The following KLRG1 variants were observed in gnomAD, a reference collection of about 807,000 sequenced individuals.
KLRG1 encodes killer cell lectin like receptor G1, also known as killer cell lectin-like receptor subfamily G member 1.
Under a neutral mutation model 21.8 loss-of-function variants are expected in KLRG1, and 16 were observed. The ratio of observed to expected loss-of-function variants is 0.73; its 90% CI spans 0.50 to 1.11. The LOEUF (loss-of-function observed/expected upper bound fraction) is 1.11. Among genes scored for constraint, KLRG1 ranks in the 50% most tolerant of loss-of-function variants. KLRG1 has a pLI of 0.00. For synonymous variants in KLRG1, 69 were observed against 75.9 expected (o/e 0.91, Z 0.47); for missense variants, 173 against 218.3 (o/e 0.79, Z 1.31).
At chr12:9,091,278 T>C in the KLRG1 span, 1 of 1,614,136 alleles carries the variant, frequency 6.2e-7, no homozygotes, top group Non-Finnish European at 8.5e-7. Flanking sequence ...GAGTAAGGCA[T>C]TGTGAGCTCC....
chr12:9,079,411 C>A, the KLRG1 span: 9 of 1,398,906 alleles, frequency 6.4e-6, no homozygotes, highest in African/African-American at 1.1e-4. Context: ...AGTACCTTGG[C>A]TTCTCTTGTG....
chr12:8,982,701 A>G (rs1946775031), intron 1 of KLRG1, among the ~76,000 whole-genome samples: 1 of 145,670 alleles, frequency 6.9e-6, no homozygotes, highest in Non-Finnish European at 1.5e-5. Context: ...GCTGGAGTGC[A>G]ATGGTGCGAT....
the KLRG1 span, among the ~76,000 whole-genome samples, chr12:9,107,163 C>G: frequency 3.3e-5 from 5 of 152,180 alleles, no homozygotes; most frequent in Non-Finnish European, 5.9e-5. Flanking sequence ...TTTGTCAACT[C>G]TCTGGCATCT....
the KLRG1 span, among the ~76,000 whole-genome samples, chr12:9,086,393 G>A: frequency 6.6e-6 from 1 of 152,024 alleles, no homozygotes; most frequent in East Asian, 1.9e-4. Flanking sequence ...CCAACCACAC[G>A]AAATAAACTA....
At chr12:8,969,591 G>A (rs1351542839) in intron 1 of KLRG1, among the ~76,000 whole-genome samples, 1 of 152,030 alleles carries the variant, frequency 6.6e-6, no homozygotes, top group East Asian at 1.9e-4. Flanking sequence ...ATGAGAGGAA[G>A]AGGAGGAAAT....
the KLRG1 span, among the ~76,000 whole-genome samples, chr12:9,029,767 T>C: frequency 6.6e-6 from 1 of 152,156 alleles, no homozygotes; most frequent in South Asian, 2.1e-4. Context: ...ATTAATTAAT[T>C]TATTTATTTG....
upstream of KLRG1, among the ~76,000 whole-genome samples, chr12:8,986,907 C>T (rs1241324478): frequency 6.6e-6 from 1 of 152,164 alleles, no homozygotes; most frequent in Non-Finnish European, 1.5e-5. Context: ...TAACACCTCC[C>T]CGCGTCTCTC....
At chr12:9,169,535 C>G in the KLRG1 span, 1 of 1,613,184 alleles carries the variant, frequency 6.2e-7, no homozygotes, top group Non-Finnish European at 8.5e-7. Context: ...CTTCCTCCTG[C>G]TGGTCCACAT....
the KLRG1 span, among the ~76,000 whole-genome samples, chr12:9,143,635 G>C: frequency 6.6e-6 from 1 of 152,080 alleles, no homozygotes; most frequent in Non-Finnish European, 1.5e-5. Context: ...GCCATTTGCT[G>C]TTCCTGGTTA....
At chr12:9,050,171 C>T in the KLRG1 span, among the ~76,000 whole-genome samples, 1 of 152,186 alleles carries the variant, frequency 6.6e-6, no homozygotes, top group South Asian at 2.1e-4. Flanking sequence ...TGGTGCAAAG[C>T]ATTTTGGCTC....
At chr12:9,106,333 G>C in the KLRG1 span, 8 of 1,608,054 alleles carry the variant, frequency 5.0e-6, no homozygotes, top group Non-Finnish European at 6.8e-6. Flanking sequence ...CTGCCTTCCA[G>C]TCAATTCCAC....
At chr12:8,954,519 G>A (rs1022854743) in intron 1 of KLRG1, among the ~76,000 whole-genome samples, 1 of 151,574 alleles carries the variant, frequency 6.6e-6, no homozygotes, top group African/African-American at 2.4e-5. Flanking sequence ...AAAATATCTT[G>A]TATGCCTCAA....
the KLRG1 span, chr12:9,095,087 GCA>G: frequency 6.7e-7 from 1 of 1,499,612 alleles, no homozygotes; most frequent in Non-Finnish European, 9.1e-7. Context: ...CCCATGTCCT[GCA>G]AAGAAAATTA....
chr12:9,104,445 T>C, the KLRG1 span: 6 of 1,536,656 alleles, frequency 3.9e-6, no homozygotes, highest in South Asian at 7.3e-5. Context: ...TAATAACTAA[T>C]AGGCACCAAA....
At chr12:8,960,733 C>A (rs920215342) in intron 1 of KLRG1, among the ~76,000 whole-genome samples, 2 of 152,228 alleles carry the variant, frequency 1.3e-5, no homozygotes, top group Admixed American at 6.5e-5. Flanking sequence ...CCTTCTGGGG[C>A]CAAGGGCAGA....
the KLRG1 span, among the ~76,000 whole-genome samples, chr12:9,059,617 G>T: frequency 6.6e-6 from 1 of 152,094 alleles, no homozygotes; most frequent in Non-Finnish European, 1.5e-5. Context: ...TTTGAATCTT[G>T]CTCTCAGTTA....
At chr12:9,072,085 A>G in the KLRG1 span, among the ~76,000 whole-genome samples, 1 of 152,238 alleles carries the variant, frequency 6.6e-6, no homozygotes, top group Non-Finnish European at 1.5e-5. Flanking sequence ...TCATTACATA[A>G]CAAGGAATTC....
At chr12:9,158,483 G>C in the KLRG1 span, 1 of 1,614,156 alleles carries the variant, frequency 6.2e-7, no homozygotes, top group Non-Finnish European at 8.5e-7. Context: ...TCTGCATCTG[G>C]GAGAGCCACG....
At chr12:9,007,970 T>G (rs555042751) in intron 3 of KLRG1, among the ~76,000 whole-genome samples, 2 of 152,218 alleles carry the variant, frequency 1.3e-5, no homozygotes, top group African/African-American at 4.8e-5. Flanking sequence ...ATAGAGGCAA[T>G]TCTCTTTGGA....
Sources: allele counts gnomAD v4.1 joint callset (sites outside exome capture counted in the v4.1 genomes callset), GRCh38; gene constraint gnomAD v4.1.1; transcripts MANE v1.5; gene names NCBI Gene and HGNC (gene_info 2026-07-23, HGNC 2026-07-21).